Variants in ASCC3 observed in about 807,000 individuals in gnomAD.
ASCC3 encodes activating signal cointegrator 1 complex subunit 3, also known as ASC-1 complex subunit P200.
A neutral mutation model predicts 256.3 loss-of-function variants in ASCC3; 158 were observed. The observed-to-expected ratio is 0.62, with a 90% CI of 0.54 to 0.70. The LOEUF (loss-of-function observed/expected upper bound fraction) is 0.70, where lower values mean the gene tolerates loss of function less well. Among genes scored for constraint, ASCC3 ranks in the 30% least tolerant of loss-of-function variants. ASCC3 has a pLI of 0.00. For synonymous variants in ASCC3, 948 were observed against 883.4 expected (o/e 1.07, Z -1.30); for missense variants, 2,259 against 2,626.0 (o/e 0.86, Z 3.05).
chr6:100,811,938 A>G (rs998304938), intron 4 of ASCC3, among the ~76,000 whole-genome samples: 1 of 152,172 alleles, frequency 6.6e-6, no homozygotes, highest in African/African-American at 2.4e-5. Context: ...TCCCCACAAA[A>G]TGTTGCAAAC....
At chr6:100,807,186 T>C (rs997844582) in intron 4 of ASCC3, among the ~76,000 whole-genome samples, 1 of 151,856 alleles carries the variant, frequency 6.6e-6, no homozygotes, top group Non-Finnish European at 1.5e-5. Flanking sequence ...AAGACATTAA[T>C]TGAAGTTAAG....
chr6:100,518,480 A>G (rs190070487), intron 37 of ASCC3, among the ~76,000 whole-genome samples: 13 of 152,312 alleles, frequency 8.5e-5, no homozygotes, highest in Non-Finnish European at 1.5e-4. Context: ...AATTCACTGT[A>G]TTAAGAACAT....
chr6:100,606,966 T>G lies in ASCC3; in HGVS notation c.4908A>C (p.Val1636=), dbSNP rs772666240. Residue 1636 remains valine (V), a synonymous_variant, in exon 31 of 42, where the codon GTA becomes GTC. Coordinates refer to ENST00000369162, the MANE Select transcript of ASCC3 (RefSeq NM_006828.4). ...AAAAAAGTACCTGAACTTTACAGTTTACAAATAGTTCCTCTACTGTTTTTC... is the reference window on the plus strand; with the variant it reads ...AAAAAAGTACCTGAACTTTACAGTTGACAAATAGTTCCTCTACTGTTTTTC... ...RDRKTVEELF[V]NCKVQVLIAT... is the part of the protein sequence containing the mutation. 1.2e-6 allele frequency: 2 copies of G among 1,613,624 alleles called. No individual in the cohort carries two copies. Among genetic ancestry groups the G allele is most frequent in the Non-Finnish European group, 1.7e-6 (2 of 1,179,752 alleles).
At chr6:100,608,083 TATATATCTATATACAC>T (rs1332510654) in intron 30 of ASCC3, among the ~76,000 whole-genome samples, 1 of 37,612 alleles carries the variant, frequency 2.7e-5, no homozygotes, top group African/African-American at 9.3e-5. Context: ...TATATATGTA[TATATATCTATATACAC>T]ATATATATGT....
intron 10 of ASCC3, among the ~76,000 whole-genome samples, chr6:100,760,172 A>G (rs1781361065): frequency 6.6e-6 from 1 of 152,144 alleles, no homozygotes; most frequent in Admixed American, 6.5e-5. Flanking sequence ...CCCTGGCCAG[A>G]ACTTCCAATA....
chr6:100,641,676 A>C (rs1463946047), intron 24 of ASCC3, among the ~76,000 whole-genome samples: 2 of 152,210 alleles, frequency 1.3e-5, no homozygotes, highest in Non-Finnish European at 2.9e-5. Flanking sequence ...ATATACACAA[A>C]GGATTATAAA....
intron 13 of ASCC3, among the ~76,000 whole-genome samples, chr6:100,700,416 T>C (rs529854007): frequency 1.3e-5 from 2 of 152,250 alleles, no homozygotes; most frequent in African/African-American, 4.8e-5. Context: ...GAACCTTTGC[T>C]AGGGTGGGAG....
intron 13 of ASCC3, among the ~76,000 whole-genome samples, chr6:100,704,374 C>T (rs974923842): frequency 6.6e-6 from 1 of 151,678 alleles, no homozygotes; most frequent in Non-Finnish European, 1.5e-5. Flanking sequence ...AAAAGTCATG[C>T]GAGGCAAATT....
Position 100,799,524 on chromosome 6 carries a change from C to A in ASCC3, c.1176G>T (p.Gln392His). 6.2e-7 allele frequency: 1 copy of A among 1,613,038 alleles called. No individual in the cohort carries two copies. Among genetic ancestry groups the A allele is most frequent in the Non-Finnish European group, 8.5e-7 (1 of 1,179,466 alleles). ...NARSVPILSR[Q>H]RDADVEKIHY... Reference sequence around the variant, plus strand: ...GTATTTTTTCAACGTCTGCATCTCTCTGCCTGCTCAGAATTGGAACACTTC... The same window carrying A: ...GTATTTTTTCAACGTCTGCATCTCTATGCCTGCTCAGAATTGGAACACTTC... Residue 392 changes from glutamine (Q) to histidine (H), a missense_variant, in exon 7 of 42, where the codon CAG (glutamine) becomes CAT (histidine). Transcript: ENST00000369162.
At chr6:100,799,686 A>G (rs954205286) in intron 6 of ASCC3, 114 bp from the exon 7 acceptor site, 2 of 1,090,724 alleles carry the variant, frequency 1.8e-6, no homozygotes, top group African/African-American at 3.2e-5. Context: ...CATAAAAAAG[A>G]AATTAAACTA....
intron 16 of ASCC3, among the ~76,000 whole-genome samples, chr6:100,661,235 C>T (rs138362527): frequency 2.7e-4 from 41 of 151,146 alleles, no homozygotes; most frequent in East Asian, 9.7e-4. Context: ...TATACATATA[C>T]TCTAAATTTT....
At chr6:100,549,955 A>G (rs1420937905) in intron 36 of ASCC3, among the ~76,000 whole-genome samples, 1 of 151,840 alleles carries the variant, frequency 6.6e-6, no homozygotes, top group Non-Finnish European at 1.5e-5. Context: ...AAATAGTGTG[A>G]GTAGATCCAT....
intron 13 of ASCC3, among the ~76,000 whole-genome samples, chr6:100,684,144 A>G (rs1038259564): frequency 7.9e-5 from 12 of 152,204 alleles, no homozygotes; most frequent in African/African-American, 2.9e-4. Context: ...AAAGAAGGAC[A>G]TATTATTTGA....
At chr6:100,711,635 T>G (rs1234922617) in intron 13 of ASCC3, among the ~76,000 whole-genome samples, 2 of 152,002 alleles carry the variant, frequency 1.3e-5, no homozygotes, top group Non-Finnish European at 2.9e-5. Context: ...GAGGCTGAAG[T>G]AAGAGAATCA....
intron 10 of ASCC3, among the ~76,000 whole-genome samples, chr6:100,735,811 T>A (rs1328749119): frequency 2.0e-5 from 3 of 152,210 alleles, no homozygotes; most frequent in African/African-American, 7.2e-5. Context: ...CAATTTTTAT[T>A]AAAGTAAAAT....
intron 36 of ASCC3, among the ~76,000 whole-genome samples, chr6:100,566,538 C>G (rs142520497): frequency 3.9e-4 from 59 of 152,286 alleles, no homozygotes; most frequent in African/African-American, 1.3e-3. Flanking sequence ...AAGGGTATTA[C>G]TTCAGTATCC....
At chr6:100,660,801 G>A (rs890516964) in intron 16 of ASCC3, among the ~76,000 whole-genome samples, 2 of 151,562 alleles carry the variant, frequency 1.3e-5, no homozygotes, top group African/African-American at 4.8e-5. Context: ...CTGATAGCCT[G>A]GGAGAAACCT....
At chr6:100,696,054 C>A (rs1444861885) in intron 13 of ASCC3, among the ~76,000 whole-genome samples, 1 of 152,100 alleles carries the variant, frequency 6.6e-6, no homozygotes, top group Admixed American at 6.6e-5. Context: ...TTTAGAAATG[C>A]CCACTTTATT....
intron 14 of ASCC3, among the ~76,000 whole-genome samples, chr6:100,667,529 G>A (rs1228994452): frequency 6.6e-6 from 1 of 151,954 alleles, no homozygotes; most frequent in African/African-American, 2.4e-5. Flanking sequence ...AGCAGGTATC[G>A]GCCACTACAG....
Sources: gnomAD v4.1 joint callset for allele counts (sites outside exome capture counted in the v4.1 genomes callset) on GRCh38, gnomAD v4.1.1 for gene constraint, MANE v1.5 for transcripts, NCBI Gene and HGNC (gene_info 2026-07-23, HGNC 2026-07-21) for gene names.